The following SLC25A47 variants were observed in gnomAD, a reference collection of about 807,000 sequenced individuals.
SLC25A47 encodes HCC-down-regulated mitochondrial carrier protein.
In SLC25A47, 30 loss-of-function variants were observed where a neutral mutation model predicts 29.8. The ratio of observed to expected loss-of-function variants is 1.01; its 90% CI spans 0.75 to 1.36. The LOEUF (loss-of-function observed/expected upper bound fraction) is 1.36. Among genes scored for constraint, SLC25A47 ranks in the 40% most tolerant of loss-of-function variants. The pLI is 0.00. For synonymous variants in SLC25A47, 204 were observed against 197.8 expected, an observed-to-expected ratio of 1.03 and a Z score of -0.26; for missense variants, 430 against 441.9, an observed-to-expected ratio of 0.97 and a Z score of 0.24.
rs1893335817 is a variant in SLC25A47, at chr14:100,326,169, A to ACGG, written c.86_88dup (p.Thr29_Glu30insAla). 1 of 1,613,484 alleles carries ACGG rather than the reference A, an allele frequency of 6.2e-7. No individual in the cohort carries two copies. The highest frequency in any genetic ancestry group is 1.7e-5 in the Admixed American group (1 of 59,970). ...ACTTCTCCTGCAGGTCAGGATCCAG[A>ACGG]CGGAGCCAAAGTACACAGGCATCTG... On this transcript the variant is annotated inframe_insertion, in exon 3 of 6. Coordinates refer to ENST00000361529, the MANE Select transcript of SLC25A47 (RefSeq NM_207117.4).
At chr14:100,327,745 G>A (rs1169816477) in intron 4 of SLC25A47, among the ~76,000 whole-genome samples, 1 of 152,262 alleles carries the variant, frequency 6.6e-6, no homozygotes, top group Non-Finnish European at 1.5e-5. Flanking sequence ...GCCATTGCTG[G>A]ATGTGGGCAT....
chr14:100,329,072 C>T (rs781070973), intron 5 of SLC25A47, 28 bp downstream of exon 5: 27 of 1,590,622 alleles, frequency 1.7e-5, no homozygotes, highest in East Asian at 1.3e-4. Context: ...CCTGGCAGGG[C>T]GGGGAGCCCA....
intron 4 of SLC25A47, 112 bp from the exon 5 acceptor site, chr14:100,328,614 C>A: frequency 8.6e-7 from 1 of 1,165,466 alleles, no homozygotes. Context: ...TGCAGGGTCT[C>A]GGGGCCCAAC....
chr14:100,329,212 G>C (rs746012115), intron 5 of SLC25A47, among the ~76,000 whole-genome samples, 153 bp from the exon 6 acceptor site: 2 of 152,222 alleles, frequency 1.3e-5, no homozygotes, highest in Non-Finnish European at 2.9e-5. Context: ...CAGACTTGCT[G>C]TGTCACAGAG....
chr14:100,329,282 C>A, intron 5 of SLC25A47, 83 bp from the exon 6 acceptor site: 1 of 1,479,852 alleles, frequency 6.8e-7, no homozygotes, highest in Non-Finnish European at 9.0e-7. Flanking sequence ...CAAATGAGGA[C>A]GGGCCGGAAG....
chr14:100,326,216 T>A lies in SLC25A47; in HGVS notation c.132T>A (p.Tyr44Ter), dbSNP rs527839761. The A allele has an allele frequency of 2.5e-5, 40 of 1,613,522 alleles. No individual in the cohort carries two copies. In the East Asian group the frequency reaches 8.9e-4, roughly 36 times the overall value. Residue 44 changes from tyrosine (Y) to a stop codon, truncating the protein, a stop_gained, in exon 3 of 6, where the codon TAT (tyrosine) becomes TAA (stop). Transcript: ENST00000361529. LOFTEE classifies it high-confidence loss of function. ...TGIWHCVRDT[Y>*]HRERVWGFYR... ...TCTGGCACTGCGTCCGGGATACGTA[T>A]CACCGAGAGCGCGTAGGTCTGGGGC...
In SLC25A47 at chr14:100,329,454, C is replaced by T. The variant is rs1199005658; in HGVS notation, c.736C>T (p.Gln246Ter). The change falls in exon 6 of 6, where the codon CAG becomes TAG. Residue 246 changes from glutamine (Q) to a stop codon, truncating the protein, a stop_gained. Coordinates refer to ENST00000361529, the MANE Select transcript of SLC25A47 (RefSeq NM_207117.4). LOFTEE classifies it high-confidence loss of function. ...TPMDVIKSRL[Q>*]ADGQGQRRYR... ...CATGGACGTGATCAAGTCGAGACTGCAGGCAGACGGGCAGGGCCAGAGGCG... is the reference window on the plus strand; with the variant it reads ...CATGGACGTGATCAAGTCGAGACTGTAGGCAGACGGGCAGGGCCAGAGGCG... 2 of 1,613,368 alleles carry T rather than the reference C, an allele frequency of 1.2e-6. No individual in the cohort carries two copies. Among genetic ancestry groups the T allele is most frequent in the Non-Finnish European group, 1.7e-6 (2 of 1,179,998 alleles).
At chr14:100,329,101 G>T in intron 5 of SLC25A47, 57 bp downstream of exon 5, 2 of 1,559,292 alleles carry the variant, frequency 1.3e-6, no homozygotes, top group Non-Finnish European at 1.7e-6. Context: ...AGGAGGTCAA[G>T]GTGAGGTCGT....
chr14:100,329,823 C>T lies in SLC25A47; in HGVS notation c.*178C>T, dbSNP rs1000621284. On this transcript the variant is annotated 3_prime_UTR_variant, in exon 6 of 6. Transcript: ENST00000361529. ...TGAGCTCGCCCTGCCCAGCTACTGA[C>T]CTCAGGTCGAGGGGCCCGCCAGCCA... 8 of 907,808 alleles carry T rather than the reference C, an allele frequency of 8.8e-6. No individual in the cohort carries two copies. The highest frequency in any genetic ancestry group is 3.0e-5 in the Admixed American group (1 of 33,676). The allele number at this position is 907,808 out of a possible 1,614,324, so 56.2% of individuals were successfully genotyped here. A position where few individuals can be genotyped will look rare whatever the true frequency, so the allele number is the denominator to read the frequency against.
In SLC25A47 at chr14:100,329,677, G is replaced by A; in HGVS notation, c.*32G>A. On this transcript the variant is annotated 3_prime_UTR_variant, in exon 6 of 6. Transcript: ENST00000361529. ...CCCACGCCCAGCGGCCCACCCACCAGCAGCTGCTGGAGGTCGTAGTGGCTG... is the reference window on the plus strand; with the variant it reads ...CCCACGCCCAGCGGCCCACCCACCAACAGCTGCTGGAGGTCGTAGTGGCTG... 1 of 1,584,660 alleles carries A rather than the reference G, an allele frequency of 6.3e-7. No homozygotes were observed. Among genetic ancestry groups the A allele is most frequent in the South Asian group, 1.1e-5 (1 of 87,402 alleles).
At chr14:100,324,093 C>T (rs1366327731) in intron 1 of SLC25A47, among the ~76,000 whole-genome samples, 1 of 152,150 alleles carries the variant, frequency 6.6e-6, no homozygotes, top group African/African-American at 2.4e-5. Context: ...TGAGTGGGCA[C>T]TCCTGCCCTT....
At chr14:100,327,151 G>A in intron 3 of SLC25A47, 37 bp from the exon 4 acceptor site, 1 of 1,553,142 alleles carries the variant, frequency 6.4e-7, no homozygotes, top group Non-Finnish European at 8.7e-7. Flanking sequence ...TCCTCCTCCT[G>A]GCGGGGCCCT....
intron 4 of SLC25A47, among the ~76,000 whole-genome samples, chr14:100,328,198 A>G (rs937823776): frequency 2.0e-5 from 3 of 149,214 alleles, no homozygotes; most frequent in African/African-American, 7.4e-5. Context: ...TACAACCTCT[A>G]CGTCCCAGGT....
Position 100,329,384 on chromosome 14 carries a change from G to A in SLC25A47, c.666G>A (p.Val222=), listed in dbSNP as rs770324260. Residue 222 remains valine, a synonymous_variant, in exon 6 of 6, where the codon GTG becomes GTA. Coordinates refer to ENST00000361529, the MANE Select transcript of SLC25A47 (RefSeq NM_207117.4). ...CTGCAGATGTCCCGGGCGTGCTGGT[G>A]GCCGGGGGCTGTGCAGGAGTCCTGG... is the stretch of plus-strand genomic sequence containing the variant. ...HSRPDVPGVL[V]AGGCAGVLAW... 1.9e-6 allele frequency: 3 copies of A among 1,606,182 alleles called. No individual in the cohort carries two copies. The African/African-American group carries it at 4.0e-5, about 21-fold the overall frequency.
At chr14:100,324,171 G>A (rs754091813) in intron 1 of SLC25A47, among the ~76,000 whole-genome samples, 15 of 152,140 alleles carry the variant, frequency 9.9e-5, no homozygotes, top group Non-Finnish European at 1.8e-4. Context: ...TTGGGAGAGC[G>A]GCCCAGCTCT....
intron 3 of SLC25A47, 84 bp from the exon 4 acceptor site, chr14:100,327,104 T>TGCGGAC: frequency 7.5e-7 from 1 of 1,334,322 alleles, no homozygotes; most frequent in East Asian, 2.5e-5. Flanking sequence ...GACAGCGGAG[T>TGCGGAC]GCGGAGCAGG....
intron 3 of SLC25A47, among the ~76,000 whole-genome samples, chr14:100,326,716 G>A (rs1893345352): frequency 6.6e-6 from 1 of 152,250 alleles, no homozygotes; most frequent in South Asian, 2.1e-4. Context: ...GCTTACGCCT[G>A]TAATCCCAGC....
At chr14:100,328,648 A>C in intron 4 of SLC25A47, 78 bp from the exon 5 acceptor site, 1 of 1,456,882 alleles carries the variant, frequency 6.9e-7, no homozygotes, top group Non-Finnish European at 9.6e-7. Flanking sequence ...CGTGAGCAAC[A>C]TGAGGCTGGT....
intron 5 of SLC25A47, 150 bp downstream of exon 5, chr14:100,329,194 A>G: frequency 8.4e-7 from 1 of 1,196,636 alleles, no homozygotes; most frequent in Non-Finnish European, 1.1e-6. Context: ...CAACACCAAG[A>G]GTCAGGACAG....
Sources: allele counts gnomAD v4.1 joint callset (sites outside exome capture counted in the v4.1 genomes callset), GRCh38; gene constraint gnomAD v4.1.1; transcripts MANE v1.5; gene names NCBI Gene and HGNC (gene_info 2026-07-23, HGNC 2026-07-21).